The following CFTR variants were observed in gnomAD, a reference collection of about 807,000 sequenced individuals.
The protein encoded by CFTR is cystic fibrosis transmembrane conductance regulator.
A neutral mutation model predicts 171.6 loss-of-function variants in CFTR; 181 were observed. The observed-to-expected ratio is 1.05, with a 90% CI of 0.93 to 1.19. CFTR has a LOEUF of 1.19. Ranked by LOEUF, CFTR falls within the 50% of genes most tolerant of loss-of-function variation. The pLI, the probability that CFTR is intolerant of heterozygous loss-of-function variation, is 0.00. For missense variants in CFTR, 1,968 were observed against 1,734.7 expected (o/e 1.13, Z -2.39); for synonymous variants, 583 against 608.0 (o/e 0.96, Z 0.60).
At chr7:117,586,027 T>C (rs1791928413) in intron 11 of CFTR, among the ~76,000 whole-genome samples, 1 of 152,204 alleles carries the variant, frequency 6.6e-6, no homozygotes, top group Non-Finnish European at 1.5e-5. Flanking sequence ...CGAGCTGTTT[T>C]GTAATTGCTG....
intron 7 of CFTR, among the ~76,000 whole-genome samples, chr7:117,538,927 T>G (rs1237778062): frequency 1.3e-5 from 2 of 152,210 alleles, no homozygotes; most frequent in African/African-American, 4.8e-5. Flanking sequence ...AGATTACATT[T>G]TACTTTTCAG....
intron 1 of CFTR, among the ~76,000 whole-genome samples, chr7:117,497,356 G>A (rs1351542788): frequency 6.6e-6 from 1 of 152,136 alleles, no homozygotes; most frequent in African/African-American, 2.4e-5. Context: ...AAATTCTGGT[G>A]CTTTGAAAAT....
intron 19 of CFTR, among the ~76,000 whole-genome samples, chr7:117,611,299 A>G (rs1792381194): frequency 6.6e-6 from 1 of 152,208 alleles, no homozygotes; most frequent in Non-Finnish European, 1.5e-5. Context: ...ATTTAGAATT[A>G]GCCAGAAAAC....
At chr7:117,633,747 C>G (rs181161837) in intron 22 of CFTR, among the ~76,000 whole-genome samples, 1 of 151,904 alleles carries the variant, frequency 6.6e-6, no homozygotes, top group East Asian at 1.9e-4. Flanking sequence ...TTTTCTGCAA[C>G]TATTGATTTG....
chr7:117,602,843 T>G lies in CFTR; in HGVS notation c.2637T>G (p.Val879=). The stretch of plus-strand genomic sequence containing the variant: ...CATTCCAGGTGGCTGCTTCTTTGGT[T>G]GTGCTGTGGCTCCTTGGAAAGTGAG... The part of the protein sequence containing the change: ...IFLAEVAASL[V]VLWLLGNTPL... Residue 879 remains valine, a synonymous_variant, in exon 16 of 27, where the codon GTT becomes GTG. Coordinates refer to ENST00000003084, the MANE Select transcript of CFTR (RefSeq NM_000492.4). The G allele has an allele frequency of 6.2e-7, 1 of 1,614,038 alleles. No individual in the cohort carries two copies. The highest frequency in any genetic ancestry group is 8.5e-7 in the Non-Finnish European group (1 of 1,179,894).
At chr7:117,480,230 A>G (rs1797980955) in intron 1 of CFTR, 83 bp downstream of exon 1, 1 of 1,239,826 alleles carries the variant, frequency 8.1e-7, no homozygotes, top group Non-Finnish European at 1.2e-6. Context: ...TTTGGGGTAA[A>G]GGAATAAGCA....
At chr7:117,497,263 T>G (rs886950544) in intron 1 of CFTR, among the ~76,000 whole-genome samples, 1 of 152,160 alleles carries the variant, frequency 6.6e-6, no homozygotes, top group Admixed American at 6.6e-5. Context: ...GATGAAATAA[T>G]GTATGTGAAA....
intron 18 of CFTR, among the ~76,000 whole-genome samples, chr7:117,608,017 G>C (rs909833367): frequency 1.3e-5 from 2 of 152,118 alleles, no homozygotes; most frequent in Admixed American, 1.3e-4. Flanking sequence ...ATAAAAACTG[G>C]AATGTGAACC....
chr7:117,649,516 TA>T (rs142696655), intron 23 of CFTR, among the ~76,000 whole-genome samples: 29,610 of 129,258 alleles, frequency 0.23, 3,355 homozygotes, highest in African/African-American at 0.32. Context: ...TATATATATA[TA>T]TATTTTTTTT....
chr7:117,570,346 G>A (rs75862363), intron 11 of CFTR, among the ~76,000 whole-genome samples: 2,145 of 152,218 alleles, frequency 0.014, 31 homozygotes, highest in African/African-American at 0.03. Context: ...TTTGGGAAGC[G>A]TAGTGCTTAG....
intron 21 of CFTR, among the ~76,000 whole-genome samples, chr7:117,616,513 T>C (rs952687212): frequency 6.6e-6 from 1 of 152,172 alleles, no homozygotes; most frequent in African/African-American, 2.4e-5. Flanking sequence ...TTGTCCTTGC[T>C]GTATTAATTT....
intron 11 of CFTR, among the ~76,000 whole-genome samples, chr7:117,573,040 C>G (rs937592665): frequency 6.9e-6 from 1 of 144,744 alleles, no homozygotes; most frequent in African/African-American, 2.5e-5. Context: ...CACCCTTTCT[C>G]TCTCTCTCTC....
In CFTR at chr7:117,592,086, T is replaced by C; in HGVS notation, c.1919T>C (p.Phe640Ser). Residue 640 changes from phenylalanine (F) to serine (S), a missense_variant, in exon 14 of 27, where the codon TTT (phenylalanine) becomes TCT (serine). Phe to Ser is a radical substitution (Grantham distance 155, BLOSUM62 -2). Transcript: ENST00000003084. ...FSELQNLQPD[F>S]SSKLMGCDSF... ...GAACTCCAAAATCTACAGCCAGACT[T>C]TAGCTCAAAACTCATGGGATGTGAT... The C allele has an allele frequency of 6.2e-7, 1 of 1,613,546 alleles. No individual in the cohort carries two copies. Among genetic ancestry groups the C allele is most frequent in the South Asian group, 1.1e-5 (1 of 90,846 alleles).
chr7:117,492,842 A>G (rs570687796), intron 1 of CFTR, among the ~76,000 whole-genome samples: 2 of 152,018 alleles, frequency 1.3e-5, no homozygotes, highest in African/African-American at 2.4e-5. Flanking sequence ...TCACACATAC[A>G]TAATTTATGT....
intron 21 of CFTR, among the ~76,000 whole-genome samples, chr7:117,620,790 G>C (rs1207585503): frequency 6.6e-6 from 1 of 152,116 alleles, no homozygotes; most frequent in Non-Finnish European, 1.5e-5. Context: ...TCTCATCCTA[G>C]TAGCACATGC....
chr7:117,661,492 G>A (rs535091347), intron 24 of CFTR, among the ~76,000 whole-genome samples: 31 of 152,332 alleles, frequency 2.0e-4, no homozygotes, highest in African/African-American at 7.5e-4. Context: ...TAGGAACTTA[G>A]TATATGACTG....
chr7:117,480,917 A>C (rs1422185097), intron 1 of CFTR, among the ~76,000 whole-genome samples: 1 of 152,208 alleles, frequency 6.6e-6, no homozygotes, highest in East Asian at 1.9e-4. Flanking sequence ...TAGATGTAGC[A>C]CTTCATATTT....
Position 117,530,946 on chromosome 7 carries a change from T to G in CFTR, c.321T>G (p.Ala107=), listed in dbSNP as rs778204477. 4 of 1,613,764 alleles carry G rather than the reference T, an allele frequency of 2.5e-6. No homozygotes were observed. The highest frequency in any genetic ancestry group is 3.4e-6 in the Non-Finnish European group (4 of 1,179,792). Reference sequence around the variant, plus strand: ...CTCTCTTACTGGGAAGAATCATAGCTTCCTATGACCCGGATAACAAGGAGG... The same window carrying G: ...CTCTCTTACTGGGAAGAATCATAGCGTCCTATGACCCGGATAACAAGGAGG... ...VQPLLLGRII[A]SYDPDNKEER... is the part of the protein sequence containing the mutation. Residue 107 remains alanine, a synonymous_variant, in exon 4 of 27, where the codon GCT becomes GCG. Transcript: ENST00000003084.
At chr7:117,484,646 A>G (rs1028311776) in intron 1 of CFTR, among the ~76,000 whole-genome samples, 2 of 152,072 alleles carry the variant, frequency 1.3e-5, no homozygotes, top group Non-Finnish European at 2.9e-5. Flanking sequence ...TCAGAGTTCT[A>G]AAAGTACCTC....
Sources: allele counts gnomAD v4.1 joint callset (sites outside exome capture counted in the v4.1 genomes callset), GRCh38; gene constraint gnomAD v4.1.1; transcripts MANE v1.5; gene names NCBI Gene and HGNC (gene_info 2026-07-23, HGNC 2026-07-21).